P2RX3: variants seen among roughly 807,000 people sequenced by gnomAD.
The protein encoded by P2RX3 is P2X purinoceptor 3.
P2RX3 carries 41 observed loss-of-function variants against 51.5 expected under a neutral mutation model. The ratio of observed to expected loss-of-function variants is 0.80; its 90% confidence interval spans 0.62 to 1.03. The LOEUF (loss-of-function observed/expected upper bound fraction) is 1.03, where lower values mean the gene tolerates loss of function less well. Ranked by LOEUF, P2RX3 falls within the 50% of genes least tolerant of loss-of-function variation. P2RX3 has a pLI of 0.00. For missense variants in P2RX3, 459 were observed against 522.1 expected, an observed-to-expected ratio of 0.88 and a Z score of 1.18; for synonymous variants, 185 against 191.6, an observed-to-expected ratio of 0.97 and a Z score of 0.29.
chr11:57,337,008 C>T (rs906287502), upstream of P2RX3, among the ~76,000 whole-genome samples: 3 of 152,120 alleles, frequency 2.0e-5, no homozygotes, highest in Non-Finnish European at 2.9e-5. Flanking sequence ...GAAAACATCC[C>T]CGGCCAGGCA....
chr11:57,350,589 C>A, intron 7 of P2RX3, 173 bp from the exon 8 acceptor site: 1 of 835,860 alleles, frequency 1.2e-6, no homozygotes. Flanking sequence ...GCCACCACAG[C>A]ACTTCTTTAC....
intron 8 of P2RX3, among the ~76,000 whole-genome samples, chr11:57,351,302 A>G (rs774090263): frequency 2.0e-5 from 3 of 152,198 alleles, no homozygotes; most frequent in Non-Finnish European, 4.4e-5. Flanking sequence ...CTACAAAGTA[A>G]GGGTGATAAC....
At chr11:57,340,270 G>C (rs953034016) in intron 1 of P2RX3, among the ~76,000 whole-genome samples, 4 of 152,098 alleles carry the variant, frequency 2.6e-5, no homozygotes, top group African/African-American at 9.7e-5. Context: ...TGGGCTCCTA[G>C]ACCAGCCCGC....
chr11:57,338,631 C>T lies in P2RX3; in HGVS notation c.81C>T (p.Asn27=). ...AGAGCTGGACCATCGGGATCATCAA[C>T]CGAGTAGTTCAGCTTCTGATCATCT... is the stretch of plus-strand genomic sequence containing the variant. ...VVKSWTIGII[N]RVVQLLIISY... Residue 27 remains asparagine, a synonymous_variant, in exon 1 of 12, where the codon AAC becomes AAT. Coordinates refer to ENST00000263314, the MANE Select transcript of P2RX3 (RefSeq NM_002559.5). 1 of 1,595,060 alleles carries T rather than the reference C, an allele frequency of 6.3e-7. No homozygotes were observed. Among genetic ancestry groups the T allele is most frequent in the Non-Finnish European group, 8.6e-7 (1 of 1,164,334 alleles).
At chr11:57,341,488 T>G (rs755579469) in intron 1 of P2RX3, among the ~76,000 whole-genome samples, 3 of 152,054 alleles carry the variant, frequency 2.0e-5, no homozygotes, top group Non-Finnish European at 4.4e-5. Context: ...ATTTCATCAC[T>G]ATTTTCCTTT....
Position 57,350,846 on chromosome 11 carries a change from C to T in P2RX3, c.790C>T (p.Arg264Trp), listed in dbSNP as rs569579682. The T allele has an allele frequency of 2.5e-6, 4 of 1,614,134 alleles. No homozygotes were observed. The highest frequency in any genetic ancestry group is 2.2e-5 in the South Asian group (2 of 91,086). The change falls in exon 8 of 12, where the codon CGG (arginine) becomes TGG (tryptophan). Residue 264 changes from arginine to tryptophan, a missense_variant. Arg to Trp is a moderately radical substitution (Grantham distance 101). Coordinates refer to ENST00000263314, the MANE Select transcript of P2RX3 (RefSeq NM_002559.5). ...DQCIPKYSFTRLDSVSEKSSV... is the reference protein window; with the variant it reads ...DQCIPKYSFTWLDSVSEKSSV... ...GTGCATCCCCAAATACTCCTTCACC[C>T]GGCTCGACAGCGTTTCTGAGAAAAG...
intron 9 of P2RX3, 69 bp from the exon 10 acceptor site, chr11:57,368,303 G>A (rs934297059): frequency 7.7e-6 from 12 of 1,552,200 alleles, no homozygotes; most frequent in Admixed American, 3.3e-5. Flanking sequence ...CTGGCGCCAC[G>A]TGCAGCCTCG....
At chr11:57,367,591 C>T (rs1170568638) in intron 8 of P2RX3, among the ~76,000 whole-genome samples, 6 of 152,056 alleles carry the variant, frequency 3.9e-5, no homozygotes, top group African/African-American at 7.2e-5. Context: ...GATGGTGGCG[C>T]GTGCCTGTAA....
Position 57,348,505 on chromosome 11 carries a change from GCCCTTTATCTATAAGAGGTCT to G in P2RX3, c.486-115_486-95del. ...CCTTCCTATAGCCCACTCTCAAAGT[GCCCTTTATCTATAAGAGGTCT>G]CCCTTTGGAGGCATCCACCAGGAAA... is the stretch of plus-strand genomic sequence containing the variant. On this transcript the variant is annotated intron_variant, in intron 5 of 11. Coordinates refer to ENST00000263314, the MANE Select transcript of P2RX3 (RefSeq NM_002559.5). 3 of 810,938 alleles carry G rather than the reference GCCCTTTATCTATAAGAGGTCT, an allele frequency of 3.7e-6. No individual in the cohort carries two copies. In the South Asian group the frequency reaches 5.0e-5, roughly 13 times the overall value. 50.2% of individuals were successfully genotyped at this position (810,938 alleles called of 1,614,324 possible).
chr11:57,347,093 CTCTCCCTTCT>C lies in P2RX3; in HGVS notation c.256-17_256-8del. On this transcript the variant is annotated splice_polypyrimidine_tract_variant and intron_variant, in intron 2 of 11. Transcript: ENST00000263314. ...CTGATTGGGACTGTTGGATGTTTTT[CTCTCCCTTCT>C]TCTCCTCCCAAGGGCACCTCGGTCT... is the stretch of plus-strand genomic sequence containing the variant. The C allele has an allele frequency of 6.2e-7, 1 of 1,607,258 alleles. No homozygotes were observed. The highest frequency in any genetic ancestry group is 1.1e-5 in the South Asian group (1 of 90,452).
At chr11:57,352,741 G>A (rs942788016) in intron 8 of P2RX3, among the ~76,000 whole-genome samples, 3 of 152,108 alleles carry the variant, frequency 2.0e-5, no homozygotes, top group Admixed American at 6.6e-5. Flanking sequence ...AGAAGGATGC[G>A]GGATAGACCT....
At chr11:57,338,341 GCCCTGGTCCTGGCCT>G in exon 1 of P2RX3, 1 of 424,570 alleles carries the variant, frequency 2.4e-6, no homozygotes, top group Non-Finnish European at 4.3e-6. Flanking sequence ...GGGGTCCCCC[GCCCTGGTCCTGGCCT>G]CTTGGAAGCC....
intron 8 of P2RX3, among the ~76,000 whole-genome samples, chr11:57,357,133 A>G (rs1856643100): frequency 6.6e-6 from 1 of 152,144 alleles, no homozygotes; most frequent in Non-Finnish European, 1.5e-5. Context: ...CCTGGCCAAC[A>G]TAATGAAACC....
chr11:57,366,252 G>A (rs1006808927), intron 8 of P2RX3, among the ~76,000 whole-genome samples: 3 of 152,288 alleles, frequency 2.0e-5, no homozygotes, highest in South Asian at 4.1e-4. Flanking sequence ...AGACTGATGC[G>A]ATTTGAATCC....
chr11:57,343,794 G>C (rs1445735677), intron 1 of P2RX3, among the ~76,000 whole-genome samples: 4 of 152,146 alleles, frequency 2.6e-5, no homozygotes, highest in Admixed American at 2.6e-4. Flanking sequence ...TTAGACCACA[G>C]TTTGCACTCT....
chr11:57,340,090 G>A lies in P2RX3; in HGVS notation c.119+1421G>A, dbSNP rs116708321. On this transcript the variant is annotated intron_variant, in intron 1 of 11. Coordinates refer to ENST00000263314, the MANE Select transcript of P2RX3 (RefSeq NM_002559.5). ...TTCGCTGTCTGCATCTCTAGAGCTT[G>A]GCTCAAAGTTGGTTCCTAAATGTTC... 7.1e-3 allele frequency among the ~76,000 whole-genome samples: 1,082 copies of A among 152,310 alleles called. 14 individuals are homozygous for A. Among genetic ancestry groups the A allele is most frequent in the African/African-American group, 0.024 (1,009 of 41,572 alleles).
At chr11:57,342,896 G>A (rs1856367677) in intron 1 of P2RX3, among the ~76,000 whole-genome samples, 2 of 152,162 alleles carry the variant, frequency 1.3e-5, no homozygotes, top group South Asian at 4.1e-4. Context: ...GGGCGGATGG[G>A]AGGGTGCTGG....
intron 8 of P2RX3, among the ~76,000 whole-genome samples, chr11:57,352,633 T>A (rs2134426013): frequency 6.6e-6 from 1 of 152,378 alleles, no homozygotes. Context: ...CGTACAGTTT[T>A]AGAACAGCAT....
At chr11:57,336,325 A>T (rs72922000), upstream of P2RX3, among the ~76,000 whole-genome samples, 1 of 152,042 alleles carries the variant, frequency 6.6e-6, no homozygotes, top group Non-Finnish European at 1.5e-5. Flanking sequence ...TGAACTGTCA[A>T]GTTCACTGTC....
Sources: allele counts gnomAD v4.1 joint callset (sites outside exome capture counted in the v4.1 genomes callset), GRCh38; gene constraint gnomAD v4.1.1; transcripts MANE v1.5; gene names NCBI Gene and HGNC (gene_info 2026-07-23, HGNC 2026-07-21).